The following SSX5 variants were observed in gnomAD, a reference collection of about 807,000 sequenced individuals.
The protein encoded by SSX5 is SSX family member 5, also known as protein SSX5.
Under a neutral mutation model 14.9 loss-of-function variants are expected in SSX5, and 14 were observed. That is an observed-to-expected ratio of 0.94 (90% confidence interval 0.62 to 1.47). The LOEUF is 1.47. Ranked by LOEUF, SSX5 falls within the 40% of genes most tolerant of loss-of-function variation. The pLI is 0.00. For synonymous variants in SSX5, 70 were observed against 55.4 expected, an observed-to-expected ratio of 1.26 and a Z score of -1.17; for missense variants, 204 against 154.6, an observed-to-expected ratio of 1.32 and a Z score of -1.70.
At chrX:48,191,915 C>A (rs782745144) in intron 5 of SSX5, among the ~76,000 whole-genome samples, 5 of 112,058 alleles carry the variant, frequency 4.5e-5, no homozygotes, top group Non-Finnish European at 9.4e-5. Flanking sequence ...AAGTCGCCTG[C>A]CTTTTATATG....
intron 5 of SSX5, among the ~76,000 whole-genome samples, chrX:48,190,616 G>A (rs1224044092): frequency 6.3e-5 from 7 of 111,814 alleles, no homozygotes; most frequent in Admixed American, 5.7e-4. Flanking sequence ...AAGAGTTTCC[G>A]TAAAATACAA....
chrX:48,194,681 A>T (rs1388037024), intron 3 of SSX5, 59 bp downstream of exon 3: 2 of 1,121,325 alleles, frequency 1.8e-6, no homozygotes, highest in African/African-American at 1.8e-5. Context: ...AAATAGCCAA[A>T]GCTGGAAAAG....
intron 7 of SSX5, 93 bp downstream of exon 7, chrX:48,187,534 G>A (rs2059403110): frequency 9.8e-7 from 1 of 1,022,641 alleles, no homozygotes; most frequent in East Asian, 3.1e-5. Context: ...AGAAGGGAAT[G>A]ATTTGGGGAA....
At chrX:48,192,427 GT>G (rs1556924977) in intron 4 of SSX5, 146 bp from the exon 5 acceptor site, 2 of 919,432 alleles carry the variant, frequency 2.2e-6, no homozygotes, top group Non-Finnish European at 3.1e-6. Flanking sequence ...TCTGAATTAT[GT>G]TTAGTCATGG....
At chrX:48,192,761 A>G (rs1180428645) in intron 4 of SSX5, among the ~76,000 whole-genome samples, 1 of 112,289 alleles carries the variant, frequency 8.9e-6, no homozygotes, top group Non-Finnish European at 1.9e-5. Flanking sequence ...AACTTGGCAG[A>G]TACTCAAGCA....
intron 5 of SSX5, among the ~76,000 whole-genome samples, chrX:48,190,703 AAC>A (rs1556924608): frequency 1.8e-5 from 2 of 111,282 alleles, no homozygotes; most frequent in African/African-American, 3.3e-5. Flanking sequence ...AACACTGCTG[AAC>A]AAGATGGTGT....
Position 48,190,122 on chromosome X carries a change from T to C in SSX5, c.466+11A>G. 3 of 1,209,507 alleles carry C rather than the reference T, an allele frequency of 2.5e-6. No homozygotes were observed. The highest frequency in any genetic ancestry group is 2.2e-6 in the Non-Finnish European group (2 of 894,469). ...AGCCAGAGTGGTTGTTCCCAAATTC[T>C]TTTCTCTTACCAGATGTCTTGTTAA... On this transcript the variant is annotated intron_variant, in intron 6 of 7. Coordinates refer to ENST00000347757, the MANE Select transcript of SSX5 (RefSeq NM_175723.2).
At chrX:48,196,048 G>A (rs1381122264) in intron 1 of SSX5, among the ~76,000 whole-genome samples, 2 of 111,243 alleles carry the variant, frequency 1.8e-5, no homozygotes, top group African/African-American at 6.5e-5. Context: ...CACATTGGGA[G>A]GCCAAGGCGT....
chrX:48,190,394 T>G, intron 5 of SSX5, 126 bp from the exon 6 acceptor site: 1 of 895,773 alleles, frequency 1.1e-6, no homozygotes, highest in Admixed American at 3.6e-5. Context: ...AGAGTTACAC[T>G]TGCCTAAATT....
At chrX:48,186,888 G>A in intron 7 of SSX5, 32 bp from the exon 8 acceptor site, 1 of 1,196,871 alleles carries the variant, frequency 8.4e-7, no homozygotes, top group Non-Finnish European at 1.1e-6. Context: ...AAAGTAAGTG[G>A]CAGTGAGTTC....
intron 5 of SSX5, 97 bp downstream of exon 5, chrX:48,192,135 G>A: frequency 1.7e-6 from 2 of 1,162,667 alleles, no homozygotes; most frequent in Non-Finnish European, 1.2e-6. Flanking sequence ...GGAGAAGAAG[G>A]CAGTGAGGGC....
At chrX:48,188,289 G>A (rs782003337) in intron 6 of SSX5, among the ~76,000 whole-genome samples, 12 of 111,783 alleles carry the variant, frequency 1.1e-4, no homozygotes, top group African/African-American at 3.9e-4. Flanking sequence ...TATACTTATG[G>A]GATACATGAG....
chrX:48,189,411 T>C (rs200502774), intron 6 of SSX5, among the ~76,000 whole-genome samples: 1 of 57,056 alleles, frequency 1.8e-5, no homozygotes, highest in African/African-American at 5.2e-5. Context: ...GTTGTCTTCT[T>C]TTATGAAACT....
chrX:48,187,050 A>T lies in SSX5; in HGVS notation c.*5-194T>A, dbSNP rs146156383. The stretch of plus-strand genomic sequence containing the variant: ...CAGTGACTTCCTCGCCTGGGTTATC[A>T]ATTCCTAGGCTAGAGGAAGGTGTGG... On this transcript the variant is annotated intron_variant, in intron 7 of 7. Coordinates refer to ENST00000347757, the MANE Select transcript of SSX5 (RefSeq NM_175723.2). 3.5e-3 allele frequency among the ~76,000 whole-genome samples: 388 copies of T among 111,669 alleles called. 3 individuals carry two copies. The highest frequency in any genetic ancestry group is 0.012 in the African/African-American group (366 of 30,790).
chrX:48,192,015 T>C (rs375665651), intron 5 of SSX5, among the ~76,000 whole-genome samples: 1 of 112,338 alleles, frequency 8.9e-6, no homozygotes, highest in Admixed American at 9.5e-5. Flanking sequence ...CCATGTGAAC[T>C]GCTTAAAATA....
At chrX:48,192,674 T>C (rs1219140844) in intron 4 of SSX5, among the ~76,000 whole-genome samples, 1 of 112,527 alleles carries the variant, frequency 8.9e-6, no homozygotes, top group Non-Finnish European at 1.9e-5. Flanking sequence ...AGCTGTTAAA[T>C]GTGTGATGAA....
chrX:48,196,161 GC>G lies in SSX5; in HGVS notation c.-21+569del, dbSNP rs782664856. On this transcript the variant is annotated intron_variant, in intron 1 of 7. Transcript: ENST00000347757. ...AAGTTAGCTGGGGGTGGTGTAGCAGGCCTGTACCATCCCAGCACTTTGGGAG... is the reference window on the plus strand; with the variant it reads ...AAGTTAGCTGGGGGTGGTGTAGCAGGCTGTACCATCCCAGCACTTTGGGAG... 5.4e-5 allele frequency among the ~76,000 whole-genome samples: 6 copies of G among 110,664 alleles called. 1 individual carries two copies. The South Asian group carries it at 2.0e-3, about 36-fold the overall frequency.
chrX:48,190,683 G>A (rs1432122700), intron 5 of SSX5, among the ~76,000 whole-genome samples: 1 of 111,461 alleles, frequency 9.0e-6, no homozygotes, highest in African/African-American at 3.3e-5. Context: ...AAGACATACA[G>A]AGGGGACAAA....
At position 48,187,275 on chromosome X, in the gene SSX5, GAAACCCTGTCTCTACTA is replaced by G. The variant is rs1556923961; in HGVS notation, c.*4+335_*4+351del. Among the ~76,000 whole-genome samples, 7 of 110,845 alleles carry G rather than the reference GAAACCCTGTCTCTACTA, an allele frequency of 6.3e-5. 1 individual carries two copies. The South Asian group carries it at 2.7e-3, about 43-fold the overall frequency. ...TTGAGACCATTCTGGCTGACATGGC[GAAACCCTGTCTCTACTA>G]AAAATACAAGAAAAAAAATTACCCG... On this transcript the variant is annotated intron_variant, in intron 7 of 7. Coordinates refer to ENST00000347757, the MANE Select transcript of SSX5 (RefSeq NM_175723.2).
Sources: gnomAD v4.1 joint callset for allele counts (sites outside exome capture counted in the v4.1 genomes callset) on GRCh38, gnomAD v4.1.1 for gene constraint, MANE v1.5 for transcripts, NCBI Gene and HGNC (gene_info 2026-07-23, HGNC 2026-07-21) for gene names.